The following EXOC6B variants were observed in gnomAD, a reference collection of about 807,000 sequenced individuals.
EXOC6B encodes the protein exocyst complex component 6B, also known as SEC15 homolog B.
A neutral mutation model predicts 113.5 loss-of-function variants in EXOC6B; 54 were observed. The ratio of observed to expected loss-of-function variants is 0.48; its 90% CI spans 0.38 to 0.60. The LOEUF (loss-of-function observed/expected upper bound fraction) is 0.60. Among genes scored for constraint, EXOC6B ranks in the 20% least tolerant of loss-of-function variants. The pLI is 0.00. For synonymous variants in EXOC6B, 357 were observed against 339.0 expected, an observed-to-expected ratio of 1.05 and a Z score of -0.58; for missense variants, 797 against 977.5, an observed-to-expected ratio of 0.82 and a Z score of 2.46.
intron 20 of EXOC6B, among the ~76,000 whole-genome samples, chr2:72,227,714 C>T (rs1429270346): frequency 1.2e-4 from 19 of 152,010 alleles, no homozygotes; most frequent in Admixed American, 1.2e-3. Context: ...ATAAAGCAAA[C>T]CTTAATAAAT....
chr2:72,775,531 AG>A (rs1683644850), intron 1 of EXOC6B, among the ~76,000 whole-genome samples: 1 of 152,232 alleles, frequency 6.6e-6, no homozygotes, highest in South Asian at 2.1e-4. Context: ...GGTGTTCAAC[AG>A]GTAAATGTGG....
intron 20 of EXOC6B, among the ~76,000 whole-genome samples, chr2:72,233,855 CA>C (rs1261843529): frequency 1.3e-5 from 2 of 152,186 alleles, no homozygotes; most frequent in Admixed American, 6.5e-5. Context: ...CTACCCCCAC[CA>C]CTAGTAGCCA....
At chr2:72,556,631 C>T (rs1263114624) in intron 8 of EXOC6B, among the ~76,000 whole-genome samples, 1 of 151,516 alleles carries the variant, frequency 6.6e-6, no homozygotes, top group African/African-American at 2.4e-5. Flanking sequence ...CATGAACTTC[C>T]TAAAGTCCCC....
chr2:72,664,888 C>T (rs1359217274), intron 6 of EXOC6B, among the ~76,000 whole-genome samples: 1 of 152,228 alleles, frequency 6.6e-6, no homozygotes, highest in Non-Finnish European at 1.5e-5. Context: ...ACAGCCAGTG[C>T]CCATCCCAGA....
intron 6 of EXOC6B, among the ~76,000 whole-genome samples, chr2:72,618,338 C>T (rs958689554): frequency 2.0e-5 from 3 of 152,056 alleles, no homozygotes; most frequent in African/African-American, 4.8e-5. Context: ...CATTGCACTC[C>T]AGCCTGGGTG....
intron 17 of EXOC6B, among the ~76,000 whole-genome samples, chr2:72,470,602 T>C (rs1698339030): frequency 6.6e-6 from 1 of 152,010 alleles, no homozygotes; most frequent in East Asian, 1.9e-4. Flanking sequence ...TATTTCCTAA[T>C]GCTATCCCTC....
rs1686881407 is a variant in EXOC6B, at chr2:72,825,920, G to A, written c.-10C>T. On this transcript the variant is annotated 5_prime_UTR_variant, in exon 1 of 22. Coordinates refer to ENST00000272427, the MANE Select transcript of EXOC6B (RefSeq NM_015189.3). The surrounding 1 kb of genome is among the most constrained non-coding windows in gnomAD (Gnocchi z 4.4). Reference sequence around the variant, plus strand: ...TCTTACCCCGCTCCATAGACTGGGGGCGCCCCGCAGCGCGTCCCCTCCGTC... The same window carrying A: ...TCTTACCCCGCTCCATAGACTGGGGACGCCCCGCAGCGCGTCCCCTCCGTC... 1.2e-6 allele frequency: 2 copies of A among 1,610,828 alleles called. No individual in the cohort carries two copies. Among genetic ancestry groups the A allele is most frequent in the South Asian group, 2.2e-5 (2 of 91,026 alleles).
At chr2:72,457,231 CT>C (rs1396381987) in intron 18 of EXOC6B, among the ~76,000 whole-genome samples, 1 of 152,052 alleles carries the variant, frequency 6.6e-6, no homozygotes, top group African/African-American at 2.4e-5. Context: ...CAGTTCTTCA[CT>C]AGCAGCATAA....
At chr2:72,407,666 C>G (rs886493794) in intron 18 of EXOC6B, among the ~76,000 whole-genome samples, 1 of 152,204 alleles carries the variant, frequency 6.6e-6, no homozygotes, top group East Asian at 1.9e-4. Flanking sequence ...ATTCAACAGC[C>G]CTTCATGCTA....
chr2:72,472,320 GT>G (rs1416108122), intron 17 of EXOC6B, among the ~76,000 whole-genome samples: 1 of 152,112 alleles, frequency 6.6e-6, no homozygotes, highest in Non-Finnish European at 1.5e-5. Context: ...GAATTTGGTG[GT>G]GAATCCACCT....
intron 6 of EXOC6B, among the ~76,000 whole-genome samples, chr2:72,596,008 A>G (rs1159007062): frequency 6.6e-6 from 1 of 152,180 alleles, no homozygotes; most frequent in Non-Finnish European, 1.5e-5. Context: ...AAGTGGTGGA[A>G]AAAAGAAAAG....
chr2:72,783,998 T>A (rs74415736), intron 1 of EXOC6B, among the ~76,000 whole-genome samples: 5,737 of 152,314 alleles, frequency 0.038, 337 homozygotes, highest in African/African-American at 0.13. Context: ...AATGTTTATG[T>A]TAAATCCTTC....
intron 20 of EXOC6B, among the ~76,000 whole-genome samples, chr2:72,281,337 C>G (rs1685115203): frequency 6.6e-6 from 1 of 152,076 alleles, no homozygotes; most frequent in South Asian, 2.1e-4. Flanking sequence ...AAAAAGTTAT[C>G]AGACTTATCA....
chr2:72,561,262 C>T (rs1327462369), intron 7 of EXOC6B, among the ~76,000 whole-genome samples: 2 of 151,772 alleles, frequency 1.3e-5, no homozygotes, highest in Non-Finnish European at 2.9e-5. Context: ...ATGATATTCA[C>T]AATAGTATTT....
chr2:72,701,335 C>T (rs1397899301), intron 6 of EXOC6B, among the ~76,000 whole-genome samples: 1 of 130,850 alleles, frequency 7.6e-6, no homozygotes, highest in Non-Finnish European at 1.6e-5. Context: ...AGCAAGACTC[C>T]ATCTTCAAAA....
intron 8 of EXOC6B, among the ~76,000 whole-genome samples, chr2:72,543,395 G>A (rs918641559): frequency 6.7e-6 from 1 of 149,136 alleles, no homozygotes; most frequent in Non-Finnish European, 1.5e-5. Flanking sequence ...GGAGTTATCA[G>A]ATTATTGTGG....
At chr2:72,331,973 T>C (rs989778497) in intron 20 of EXOC6B, among the ~76,000 whole-genome samples, 37 of 152,102 alleles carry the variant, frequency 2.4e-4, no homozygotes, top group African/African-American at 8.4e-4. Flanking sequence ...CATCAAATAT[T>C]CCACATTTTG....
chr2:72,480,766 CA>C lies in EXOC6B; in HGVS notation c.1666-17del. On this transcript the variant is annotated splice_polypyrimidine_tract_variant and intron_variant, in intron 16 of 21. Transcript: ENST00000272427. ...TCTGAACAAGCTAGAAAACAACAAA[CA>C]CATGTAAAAGTCATTTAACTACTCA... The C allele has an allele frequency of 6.3e-7, 1 of 1,594,104 alleles. No individual in the cohort carries two copies. Among genetic ancestry groups the C allele is most frequent in the Non-Finnish European group, 8.6e-7 (1 of 1,169,202 alleles).
intron 6 of EXOC6B, among the ~76,000 whole-genome samples, chr2:72,694,738 A>C (rs1414018458): frequency 6.6e-6 from 1 of 152,216 alleles, no homozygotes; most frequent in African/African-American, 2.4e-5. Context: ...CAGGCTGTGT[A>C]TATACACATG....
Sources: gnomAD v4.1 joint callset for allele counts (sites outside exome capture counted in the v4.1 genomes callset) on GRCh38, gnomAD v4.1.1 for gene constraint, Gnocchi (gnomAD v3.1) non-coding constraint, MANE v1.5 for transcripts, NCBI Gene and HGNC (gene_info 2026-07-23, HGNC 2026-07-21) for gene names.